TRAPPC8: variants seen among roughly 807,000 people sequenced by gnomAD.
TRAPPC8 encodes the protein general sporulation gene 1 homolog.
In TRAPPC8, 54 loss-of-function variants were observed where a neutral mutation model predicts 174.3. The observed-to-expected ratio is 0.31, with a 90% CI of 0.25 to 0.39. The LOEUF is 0.39. Among genes scored for constraint, TRAPPC8 ranks in the 10% least tolerant of loss-of-function variants. The pLI, the probability that TRAPPC8 is intolerant of heterozygous loss-of-function variation, is 1.00. For synonymous variants in TRAPPC8, 630 were observed against 579.9 expected (o/e 1.09, Z -1.24); for missense variants, 1,531 against 1,699.1 (o/e 0.90, Z 1.74).
intron 1 of TRAPPC8, among the ~76,000 whole-genome samples, chr18:31,942,178 A>G (rs532645043): frequency 1.8e-4 from 28 of 152,358 alleles, no homozygotes; most frequent in South Asian, 4.1e-4. Flanking sequence ...AACTACTTTC[A>G]AAGTCCAGTT....
intron 9 of TRAPPC8, 72 bp from the exon 10 acceptor site, chr18:31,901,097 G>T (rs2036403740): frequency 2.2e-6 from 3 of 1,340,430 alleles, no homozygotes; most frequent in Non-Finnish European, 2.0e-6. Context: ...GAAACTAAAA[G>T]TTGGAATGAA....
At chr18:31,913,238 G>C (rs2145514394) in intron 5 of TRAPPC8, 131 bp downstream of exon 5, 3 of 941,928 alleles carry the variant, frequency 3.2e-6, no homozygotes, top group Non-Finnish European at 4.5e-6. Flanking sequence ...ACTGACCTAA[G>C]AGCTCACCTC....
Position 31,890,883 on chromosome 18 carries a change from A to G in TRAPPC8, c.1597-17T>C. 6.3e-7 allele frequency: 1 copy of G among 1,586,940 alleles called. No homozygotes were observed. Among genetic ancestry groups the G allele is most frequent in the Non-Finnish European group, 8.6e-7 (1 of 1,168,872 alleles). ...ATCAGAATCCTAGTGAATGTTTAAA[A>G]GAGAAAAAGGTTAGTTTCACCAAGT... is the stretch of plus-strand genomic sequence containing the variant. On this transcript the variant is annotated splice_polypyrimidine_tract_variant and intron_variant, in intron 11 of 28. Coordinates refer to ENST00000283351, the MANE Select transcript of TRAPPC8 (RefSeq NM_014939.5).
chr18:31,941,725 G>C (rs1010957490), intron 1 of TRAPPC8, among the ~76,000 whole-genome samples: 38 of 152,050 alleles, frequency 2.5e-4, no homozygotes, highest in African/African-American at 7.7e-4. Flanking sequence ...CATCACAGTC[G>C]TTTGCCTGAC....
chr18:31,942,836 C>T lies in TRAPPC8; in HGVS notation c.-72G>A. The T allele has an allele frequency of 7.9e-7, 1 of 1,265,074 alleles. No homozygotes were observed. The highest frequency in any genetic ancestry group is 3.0e-5 in the South Asian group (1 of 33,658). The allele number at this position is 1,265,074 out of a possible 1,614,324, so 78.4% of individuals were successfully genotyped here. ...CGAGGTTATCCTGCGGCTGCAGCAG[C>T]TACCGCCGCCGCCCGCCGGCCTGGC... On this transcript the variant is annotated 5_prime_UTR_variant, in exon 1 of 29. Coordinates refer to ENST00000283351, the MANE Select transcript of TRAPPC8 (RefSeq NM_014939.5).
At chr18:31,901,069 G>A (rs1336804779) in intron 9 of TRAPPC8, 44 bp from the exon 10 acceptor site, 2 of 1,509,650 alleles carry the variant, frequency 1.3e-6, no homozygotes, top group East Asian at 2.4e-5. Context: ...AGAAGAAACA[G>A]TCTTACAGTT....
In TRAPPC8 at chr18:31,903,739, A is replaced by C. The variant is rs141420897; in HGVS notation, c.1390-2714T>G. 6.6e-5 allele frequency among the ~76,000 whole-genome samples: 10 copies of C among 152,146 alleles called. No homozygotes were observed. The South Asian group carries it at 1.7e-3, about 25-fold the overall frequency. On this transcript the variant is annotated intron_variant, in intron 9 of 28. Coordinates refer to ENST00000283351, the MANE Select transcript of TRAPPC8 (RefSeq NM_014939.5). Reference sequence around the variant, plus strand: ...AGATCATATTTCATTTTAAAACCTCATTCTGGATGGGCACAGTGGCTCACA... The same window carrying C: ...AGATCATATTTCATTTTAAAACCTCCTTCTGGATGGGCACAGTGGCTCACA...
chr18:31,894,646 A>C (rs1377612342), intron 11 of TRAPPC8, among the ~76,000 whole-genome samples: 1 of 152,176 alleles, frequency 6.6e-6, no homozygotes, highest in Non-Finnish European at 1.5e-5. Flanking sequence ...CATTTCAATA[A>C]AAACACAGTT....
At position 31,890,857 on chromosome 18, in the gene TRAPPC8, G is replaced by T; in HGVS notation, c.1606C>A (p.Leu536Ile). The T allele has an allele frequency of 6.2e-7, 1 of 1,609,024 alleles. No homozygotes were observed. The highest frequency in any genetic ancestry group is 1.1e-5 in the South Asian group (1 of 90,142). Residue 536 changes from leucine (L) to isoleucine (I), a missense_variant, in exon 12 of 29, where the codon CTT becomes ATT. Coordinates refer to ENST00000283351, the MANE Select transcript of TRAPPC8 (RefSeq NM_014939.5). Reference sequence around the variant, plus strand: ...TGTTCCAAAAGAAGTGCACTTCGAAGATCAGAATCCTAGTGAATGTTTAAA... The same window carrying T: ...TGTTCCAAAAGAAGTGCACTTCGAATATCAGAATCCTAGTGAATGTTTAAA... ...LIRLTSEDSD[L>I]RSALLLEQAA...
chr18:31,894,794 CCA>C (rs1269907443), intron 11 of TRAPPC8, among the ~76,000 whole-genome samples: 1 of 152,124 alleles, frequency 6.6e-6, no homozygotes, highest in Non-Finnish European at 1.5e-5. Context: ...TCCCATAAGA[CCA>C]GTTACTCCTA....
At chr18:31,902,969 A>C (rs1310880190) in intron 9 of TRAPPC8, among the ~76,000 whole-genome samples, 1 of 151,652 alleles carries the variant, frequency 6.6e-6, no homozygotes, top group African/African-American at 2.4e-5. Context: ...GAATGGCGTG[A>C]ACCCCGGGGA....
chr18:31,891,920 AT>A (rs1327381875), intron 11 of TRAPPC8, among the ~76,000 whole-genome samples: 1 of 152,206 alleles, frequency 6.6e-6, no homozygotes, highest in African/African-American at 2.4e-5. Flanking sequence ...AATGGCAGCT[AT>A]TATCTATTTC....
At position 31,865,348 on chromosome 18, in the gene TRAPPC8, TGTA is replaced by T. The variant is rs200516821; in HGVS notation, c.2591-570_2591-568del. Among the ~76,000 whole-genome samples the T allele has an allele frequency of 7.2e-3, 1,100 of 152,148 alleles. 13 individuals carry two copies. The highest frequency in any genetic ancestry group is 0.025 in the African/African-American group (1,055 of 41,576). On this transcript the variant is annotated intron_variant, in intron 18 of 28. Transcript: ENST00000283351. ...GTGAAATTTTTCCCAAAAGCTTCCA[TGTA>T]GTGCATGTATGTGTGAAAAAAGCTA... is the stretch of plus-strand genomic sequence containing the variant.
chr18:31,861,934 AAAGG>A (rs2034344284), intron 19 of TRAPPC8, among the ~76,000 whole-genome samples: 1 of 58,890 alleles, frequency 1.7e-5, no homozygotes. Context: ...AGAAAAAAAA[AAAGG>A]GGGGGGGGGG....
chr18:31,880,090 A>AAAAAAAAAAAAAAATAT (rs1259899654), intron 12 of TRAPPC8, among the ~76,000 whole-genome samples: 2 of 85,358 alleles, frequency 2.3e-5, no homozygotes, highest in African/African-American at 1.0e-4. Flanking sequence ...TGAAAAAAAA[A>AAAAAAAAAAAAAAATAT]ATATATATAT....
Position 31,857,754 on chromosome 18 carries a change from A to G in TRAPPC8, c.2974T>C (p.Cys992Arg). Residue 992 changes from cysteine (C) to arginine (R), a missense_variant, in exon 20 of 29, where the codon TGT (cysteine) becomes CGT (arginine). Cys to Arg is a radical substitution (Grantham distance 180, BLOSUM62 -3). Transcript: ENST00000283351. Reference sequence around the variant, plus strand: ...GAAGCTGATGATATGAGTGCTGTACACACAGAGGTAGCATCTGTCACAACA... The same window carrying G: ...GAAGCTGATGATATGAGTGCTGTACGCACAGAGGTAGCATCTGTCACAACA... ...KTVVTDATSV[C>R]TALISSASSV... The G allele has an allele frequency of 1.2e-6, 2 of 1,614,186 alleles. No homozygotes were observed. Among genetic ancestry groups the G allele is most frequent in the Non-Finnish European group, 1.7e-6 (2 of 1,180,022 alleles).
rs1326233701 is a variant in TRAPPC8, at chr18:31,943,015, T to C, written c.-251A>G. The C allele has an allele frequency of 1.5e-6, 1 of 656,982 alleles. No individual in the cohort carries two copies. Among genetic ancestry groups the C allele is most frequent in the African/African-American group, 1.9e-5 (1 of 52,990 alleles). The allele number at this position is 656,982 out of a possible 1,614,324, so 40.7% of individuals were successfully genotyped here. A position where few individuals can be genotyped will look rare whatever the true frequency, so the allele number is the denominator to read the frequency against. On this transcript the variant is annotated 5_prime_UTR_variant, in exon 1 of 29. Transcript: ENST00000283351. ...CCCGCGTGCTCGCATTCCACCCCGA[T>C]AGGTGGAGACGCCGACAGTCACCAC...
chr18:31,888,285 G>A (rs112017032), intron 12 of TRAPPC8, among the ~76,000 whole-genome samples: 1 of 152,156 alleles, frequency 6.6e-6, no homozygotes, highest in Non-Finnish European at 1.5e-5. Context: ...TGTAATCCCA[G>A]CACTCTGGGA....
intron 1 of TRAPPC8, among the ~76,000 whole-genome samples, chr18:31,937,349 G>A (rs893122275): frequency 6.6e-6 from 1 of 152,114 alleles, no homozygotes; most frequent in African/African-American, 2.4e-5. Context: ...GGGCAGCATG[G>A]CAAAACCCCA....
Sources: allele counts gnomAD v4.1 joint callset (sites outside exome capture counted in the v4.1 genomes callset), GRCh38; gene constraint gnomAD v4.1.1; transcripts MANE v1.5; gene names NCBI Gene and HGNC (gene_info 2026-07-23, HGNC 2026-07-21).